Variants in TAMM41 observed in about 807,000 individuals in gnomAD.
TAMM41 encodes phosphatidate cytidylyltransferase, mitochondrial.
In TAMM41, 36 loss-of-function variants were observed where a neutral mutation model predicts 44.1. The ratio of observed to expected loss-of-function variants is 0.82; its 90% CI spans 0.63 to 1.08. The LOEUF (loss-of-function observed/expected upper bound fraction) is 1.08. TAMM41 is among the 50% of genes least tolerant of loss of function. The pLI is 0.00. For synonymous variants in TAMM41, 164 were observed against 153.1 expected (o/e 1.07, Z -0.53); for missense variants, 417 against 404.3 (o/e 1.03, Z -0.27).
chr3:11,781,779 A>AATAATAATCATC, the TAMM41 span, among the ~76,000 whole-genome samples: 4 of 40,528 alleles, frequency 9.9e-5, no homozygotes, highest in Non-Finnish European at 1.4e-4. Flanking sequence ...TAATAATAAT[A>AATAATAATCATC]ATCATACAAA....
chr3:11,816,308 A>G (rs1218297318), intron 5 of TAMM41, among the ~76,000 whole-genome samples: 1 of 151,950 alleles, frequency 6.6e-6, no homozygotes, highest in Non-Finnish European at 1.5e-5. Flanking sequence ...AGAAAGTTTT[A>G]TTTGATATAT....
chr3:11,787,749 A>T (rs2077425551), downstream of TAMM41, among the ~76,000 whole-genome samples: 1 of 152,210 alleles, frequency 6.6e-6, no homozygotes, highest in African/African-American at 2.4e-5. Flanking sequence ...TATAGAAACT[A>T]AGGTTCAGAA....
At chr3:11,812,793 G>C (rs1390119178) in intron 5 of TAMM41, among the ~76,000 whole-genome samples, 1 of 152,192 alleles carries the variant, frequency 6.6e-6, no homozygotes, top group African/African-American at 2.4e-5. Flanking sequence ...TTGATGGTTA[G>C]TGGACAAGTG....
chr3:11,816,769 C>T (rs929687769), intron 5 of TAMM41, among the ~76,000 whole-genome samples: 1 of 151,380 alleles, frequency 6.6e-6, no homozygotes, highest in Non-Finnish European at 1.5e-5. Context: ...CAGACCCTGT[C>T]CCCCCAAAAA....
At chr3:11,803,476 T>C (rs1188664509) in intron 7 of TAMM41, among the ~76,000 whole-genome samples, 1 of 152,134 alleles carries the variant, frequency 6.6e-6, no homozygotes, top group Non-Finnish European at 1.5e-5. Context: ...GGAATCTAAA[T>C]TAGTATAGCC....
intron 4 of TAMM41, among the ~76,000 whole-genome samples, chr3:11,820,558 A>G (rs141812768): frequency 0.01 from 1,530 of 152,336 alleles, 28 homozygotes; most frequent in Admixed American, 0.041. Context: ...ACATACATCA[A>G]TAAATGTGTG....
the TAMM41 span, among the ~76,000 whole-genome samples, chr3:11,752,625 C>CTTTTTTTTTTTTTTTTTTTTTTTTT: frequency 3.3e-4 from 13 of 39,954 alleles, 4 homozygotes; most frequent in Admixed American, 6.5e-4. Context: ...TCTTACAAAG[C>CTTTTTTTTTTTTTTTTTTTTTTTTT]TTTTTTTTTT....
intron 7 of TAMM41, among the ~76,000 whole-genome samples, chr3:11,792,306 G>A (rs900404885): frequency 1.8e-4 from 27 of 152,048 alleles, no homozygotes; most frequent in Non-Finnish European, 2.8e-4. Context: ...CACTAGAATC[G>A]GAGTCAAGAG....
chr3:11,773,318 T>TA, the TAMM41 span, among the ~76,000 whole-genome samples: 51,788 of 145,994 alleles, frequency 0.35, 10,781 homozygotes, highest in Admixed American at 0.49. Flanking sequence ...TTGATTTGCT[T>TA]AAAAAAAAAA....
the TAMM41 span, among the ~76,000 whole-genome samples, chr3:11,725,277 T>C: frequency 1.5e-5 from 2 of 130,592 alleles, no homozygotes; most frequent in South Asian, 2.9e-4. Flanking sequence ...TCCTCCCTCT[T>C]CTCCTCCTTC....
intron 2 of TAMM41, among the ~76,000 whole-genome samples, chr3:11,841,370 G>T (rs2079433396): frequency 6.6e-6 from 1 of 152,162 alleles, no homozygotes; most frequent in Admixed American, 6.5e-5. Flanking sequence ...GGCATGAGCT[G>T]CCGTGCCCGG....
At chr3:11,815,732 A>G (rs1281765670) in intron 5 of TAMM41, among the ~76,000 whole-genome samples, 1 of 152,116 alleles carries the variant, frequency 6.6e-6, no homozygotes, top group Non-Finnish European at 1.5e-5. Context: ...AGACGGTAAA[A>G]AAAATCCCCT....
At chr3:11,763,324 T>C in the TAMM41 span, among the ~76,000 whole-genome samples, 1 of 152,326 alleles carries the variant, frequency 6.6e-6, no homozygotes, top group Admixed American at 6.5e-5. Flanking sequence ...AATTTATTTG[T>C]AGAGATGAGG....
chr3:11,813,128 A>G (rs898005230), intron 5 of TAMM41, among the ~76,000 whole-genome samples: 9 of 152,184 alleles, frequency 5.9e-5, no homozygotes, highest in Non-Finnish European at 2.9e-5. Context: ...TTCAGTTTCT[A>G]GAAAGTTGGT....
intron 7 of TAMM41, among the ~76,000 whole-genome samples, chr3:11,804,944 C>T (rs990325037): frequency 6.7e-6 from 1 of 150,232 alleles, no homozygotes; most frequent in Non-Finnish European, 1.5e-5. Context: ...AGCTCAATGC[C>T]GCCTCGACTT....
intron 5 of TAMM41, chr3:11,811,007 G>A (rs897060050): frequency 1.3e-5 from 2 of 152,138 alleles, no homozygotes; most frequent in African/African-American, 4.8e-5. Context: ...CTGGGAAGTT[G>A]AGGCTACGAT....
intron 7 of TAMM41, among the ~76,000 whole-genome samples, chr3:11,796,884 C>CA (rs34084808): frequency 0.6 from 91,722 of 151,964 alleles, 29,290 homozygotes; most frequent in African/African-American, 0.79. Flanking sequence ...AGCCAAGAGC[C>CA]AATTAAGAAC....
chr3:11,810,997 C>G (rs1253543404), intron 5 of TAMM41: 1 of 152,038 alleles, frequency 6.6e-6, no homozygotes, highest in Non-Finnish European at 1.5e-5. Flanking sequence ...TCACTTGAGC[C>G]TGGGAAGTTG....
the TAMM41 span, among the ~76,000 whole-genome samples, chr3:11,758,715 C>T: frequency 1.3e-5 from 2 of 151,730 alleles, no homozygotes; most frequent in South Asian, 4.2e-4. Flanking sequence ...GCTGTGTTGC[C>T]CAGGCTAGAG....
Sources: gnomAD v4.1 joint callset for allele counts (sites outside exome capture counted in the v4.1 genomes callset) on GRCh38, gnomAD v4.1.1 for gene constraint, MANE v1.5 for transcripts, NCBI Gene and HGNC (gene_info 2026-07-23, HGNC 2026-07-21) for gene names.